CSMD1: variants seen among roughly 807,000 people sequenced by gnomAD.
CSMD1 encodes CUB and Sushi multiple domains 1.
In CSMD1, 213 loss-of-function variants were observed where a neutral mutation model predicts 417.5. That is an observed-to-expected ratio of 0.51 (90% CI 0.46 to 0.57). CSMD1 has a LOEUF of 0.57. CSMD1 is among the 20% of genes least tolerant of loss of function. The pLI is 0.00. For synonymous variants in CSMD1, 2,862 were observed against 1,736.8 expected (o/e 1.65, Z -16.11); for missense variants, 6,923 against 4,529.7 (o/e 1.53, Z -15.17).
intron 5 of CSMD1, among the ~76,000 whole-genome samples, chr8:3,846,568 T>C (rs538584991): frequency 1.1e-4 from 16 of 152,336 alleles, no homozygotes; most frequent in African/African-American, 3.8e-4. Flanking sequence ...TGTTTGACTT[T>C]AGATTAAGTT....
chr8:4,314,487 C>T (rs913376646), intron 3 of CSMD1, among the ~76,000 whole-genome samples: 1 of 152,084 alleles, frequency 6.6e-6, no homozygotes, highest in African/African-American at 2.4e-5. Flanking sequence ...CCTTGAATAC[C>T]TTTCTAAGCA....
intron 4 of CSMD1, among the ~76,000 whole-genome samples, chr8:4,001,057 GA>G (rs5889008): frequency 1.6e-4 from 24 of 150,192 alleles, no homozygotes; most frequent in African/African-American, 3.4e-4. Flanking sequence ...ATAAAAAAAG[GA>G]AAAAAAAAAC....
intron 5 of CSMD1, among the ~76,000 whole-genome samples, chr8:3,936,137 G>A (rs999003301): frequency 6.6e-6 from 1 of 151,314 alleles, no homozygotes; most frequent in Non-Finnish European, 1.5e-5. Flanking sequence ...TAAGGAAGCT[G>A]CAGAAGATAA....
At position 4,158,299 on chromosome 8, in the gene CSMD1, A is replaced by C. The variant is rs554455694; in HGVS notation, c.416-126200T>G. Among the ~76,000 whole-genome samples, 304 of 152,218 alleles carry C rather than the reference A, an allele frequency of 2.0e-3. 1 individual carries two copies. Among genetic ancestry groups the C allele is most frequent in the African/African-American group, 6.8e-3 (283 of 41,522 alleles). On this transcript the variant is annotated intron_variant, in intron 3 of 69. Coordinates refer to ENST00000635120, the MANE Select transcript of CSMD1 (RefSeq NM_033225.6). The stretch of plus-strand genomic sequence containing the variant: ...GACTAAACAACAGAAGTACATGTCA[A>C]GCCCTTGGAGGAAGGATGCAATCAT...
rs1370430384 is a variant in CSMD1, at chr8:3,307,687, AC to A, written c.3950+7del. ...CTCAAATCACTGAAACCAAAATAAA[AC>A]AAGTACCTAATGGTCTTTCCTGGGT... is the stretch of plus-strand genomic sequence containing the variant. On this transcript the variant is annotated splice_region_variant and intron_variant, in intron 25 of 69. Transcript: ENST00000635120. The A allele has an allele frequency of 2.5e-6, 4 of 1,612,062 alleles. No homozygotes were observed. The highest frequency in any genetic ancestry group is 2.7e-5 in the African/African-American group (2 of 74,840).
intron 3 of CSMD1, among the ~76,000 whole-genome samples, chr8:4,191,509 G>A (rs1313613379): frequency 2.0e-5 from 3 of 152,168 alleles, no homozygotes; most frequent in Non-Finnish European, 2.9e-5. Flanking sequence ...AGATACTGGT[G>A]AAGTGGAGGT....
intron 12 of CSMD1, among the ~76,000 whole-genome samples, chr8:3,424,342 G>C (rs1813686075): frequency 6.6e-6 from 1 of 152,244 alleles, no homozygotes; most frequent in East Asian, 1.9e-4. Context: ...TCTCTGATTA[G>C]CAAACTTGGG....
chr8:4,313,020 A>C (rs1798717683), intron 3 of CSMD1, among the ~76,000 whole-genome samples: 1 of 152,188 alleles, frequency 6.6e-6, no homozygotes, highest in South Asian at 2.1e-4. Context: ...AATTTAGAGA[A>C]TGATTCACAT....
intron 52 of CSMD1, among the ~76,000 whole-genome samples, chr8:3,001,366 A>G (rs954011274): frequency 4.0e-5 from 6 of 151,448 alleles, no homozygotes; most frequent in Admixed American, 3.3e-4. Flanking sequence ...CTTTCCTCCA[A>G]CTTCTCCTTT....
At position 4,035,691 on chromosome 8, in the gene CSMD1, G is replaced by T. The variant is rs767108521; in HGVS notation, c.416-3592C>A. 2.2e-4 allele frequency among the ~76,000 whole-genome samples: 33 copies of T among 152,234 alleles called. 1 individual carries two copies. Among genetic ancestry groups the T allele is most frequent in the Non-Finnish European group, 3.7e-4 (25 of 68,012 alleles). Reference sequence around the variant, plus strand: ...ATAAATGTTTTGCACAACTGTGCAAGGTTTATGTTTTCAGTTAAATATTAT... The same window carrying T: ...ATAAATGTTTTGCACAACTGTGCAATGTTTATGTTTTCAGTTAAATATTAT... On this transcript the variant is annotated intron_variant, in intron 3 of 69. Coordinates refer to ENST00000635120, the MANE Select transcript of CSMD1 (RefSeq NM_033225.6).
intron 6 of CSMD1, among the ~76,000 whole-genome samples, chr8:3,717,224 C>T (rs1230910424): frequency 3.3e-5 from 5 of 152,126 alleles, no homozygotes; most frequent in East Asian, 1.9e-4. Context: ...TATTAGTAAA[C>T]GTACCTTTCC....
At chr8:3,304,789 A>T (rs1804696521) in intron 25 of CSMD1, among the ~76,000 whole-genome samples, 1 of 152,004 alleles carries the variant, frequency 6.6e-6, no homozygotes, top group African/African-American at 2.4e-5. Flanking sequence ...TAAAGAGTGA[A>T]TCCATGACTT....
chr8:3,298,554 A>G (rs543756080), intron 25 of CSMD1, among the ~76,000 whole-genome samples: 1 of 152,266 alleles, frequency 6.6e-6, no homozygotes, highest in African/African-American at 2.4e-5. Context: ...CCCAGGCTCA[A>G]GCAATTCTTC....
At chr8:4,924,753 A>G (rs1563779990) in intron 1 of CSMD1, among the ~76,000 whole-genome samples, 1 of 151,754 alleles carries the variant, frequency 6.6e-6, no homozygotes. Context: ...AAACCTACAA[A>G]AAACTTTTAT....
intron 1 of CSMD1, among the ~76,000 whole-genome samples, chr8:4,705,363 G>T (rs747102304): frequency 6.6e-6 from 1 of 152,106 alleles, no homozygotes; most frequent in African/African-American, 2.4e-5. Context: ...TGGAAACCAT[G>T]ATGTAAGACA....
chr8:4,179,066 A>G (rs1054789773), intron 3 of CSMD1, among the ~76,000 whole-genome samples: 11 of 152,122 alleles, frequency 7.2e-5, no homozygotes, highest in East Asian at 1.9e-4. Flanking sequence ...TCACATAATT[A>G]GAAAAAACTA....
At chr8:4,745,840 A>G (rs1228576133) in intron 1 of CSMD1, among the ~76,000 whole-genome samples, 4 of 152,286 alleles carry the variant, frequency 2.6e-5, no homozygotes, top group East Asian at 3.9e-4. Context: ...AGATGCAAAG[A>G]AAATCTCACA....
At chr8:3,783,157 G>C (rs1157330952) in intron 5 of CSMD1, among the ~76,000 whole-genome samples, 1 of 152,138 alleles carries the variant, frequency 6.6e-6, no homozygotes, top group East Asian at 1.9e-4. Flanking sequence ...GACAACTTAA[G>C]TCTCAACATC....
intron 26 of CSMD1, among the ~76,000 whole-genome samples, chr8:3,234,225 C>T (rs1425695210): frequency 6.6e-6 from 1 of 152,258 alleles, no homozygotes; most frequent in Non-Finnish European, 1.5e-5. Context: ...TCATATCAAC[C>T]GGGATTCCTT....
Sources: gnomAD v4.1 joint callset for allele counts (sites outside exome capture counted in the v4.1 genomes callset) on GRCh38, gnomAD v4.1.1 for gene constraint, MANE v1.5 for transcripts, NCBI Gene and HGNC (gene_info 2026-07-23, HGNC 2026-07-21) for gene names.